DOCK3: variants seen among roughly 807,000 people sequenced by gnomAD.
DOCK3 encodes dedicator of cytokinesis protein 3.
DOCK3 carries 60 observed loss-of-function variants against 265.6 expected under a neutral mutation model. That is an observed-to-expected ratio of 0.23 (90% CI 0.18 to 0.28). DOCK3 has a LOEUF of 0.28. DOCK3 is among the 10% of genes least tolerant of loss of function. The probability of loss-of-function intolerance (pLI) is 1.00; values close to 1 mark genes in which losing one functional copy is unlikely to be tolerated. For synonymous variants in DOCK3, 881 were observed against 938.0 expected (o/e 0.94, Z 1.11); for missense variants, 1,981 against 2,594.3 (o/e 0.76, Z 5.14).
chr3:51,027,330 A>AT (rs200483429), intron 5 of DOCK3, among the ~76,000 whole-genome samples: 29 of 147,802 alleles, frequency 2.0e-4, no homozygotes, highest in East Asian at 1.2e-3. Context: ...TATGCCTTTG[A>AT]TTTTTTTTTT....
rs920404511 is a variant in DOCK3 at position 51,361,727 on chromosome 3, G to A, written c.5007-132G>A. ...TGCTCCAGGCCTCAGATGGGTATGA[G>A]CATTGACTATGGAACCCTCCAAACC... On this transcript the variant is annotated intron_variant, in intron 47 of 52. Transcript: ENST00000266037. This position sits in a 1 kb window ranked among gnomAD's most constrained non-coding sequence, Gnocchi z 4.2. The A allele has an allele frequency of 4.4e-5, 55 of 1,241,484 alleles. No individual in the cohort carries two copies. Among genetic ancestry groups the A allele is most frequent in the Middle Eastern group, 2.5e-4 (1 of 3,976 alleles). The allele number at this position is 1,241,484 out of a possible 1,614,324, so 76.9% of individuals were successfully genotyped here.
At chr3:51,078,916 C>G (rs956389780) in intron 7 of DOCK3, among the ~76,000 whole-genome samples, 2 of 152,106 alleles carry the variant, frequency 1.3e-5, no homozygotes, top group African/African-American at 4.8e-5. Flanking sequence ...AATTTCCTGT[C>G]TTTTTATCTC....
chr3:51,381,708 G>GA lies in DOCK3; in HGVS notation c.*149_*150insA. On this transcript the variant is annotated 3_prime_UTR_variant, in exon 53 of 53. Transcript: ENST00000266037. This position sits in a 1 kb window ranked among gnomAD's most constrained non-coding sequence, Gnocchi z 5.6. ...ACCCCCAAGTCTCCGTTCTACTGCC[G>GA]TGAACTCATGTGTTGCCATGTACAG... is the stretch of plus-strand genomic sequence containing the variant. 9.2e-7 allele frequency: 1 copy of GA among 1,091,018 alleles called. No homozygotes were observed. The highest frequency in any genetic ancestry group is 1.3e-6 in the Non-Finnish European group (1 of 792,904). The allele number at this position is 1,091,018 out of a possible 1,614,324, so 67.6% of individuals were successfully genotyped here. A position where few individuals can be genotyped will look rare whatever the true frequency, so the allele number is the denominator to read the frequency against.
At chr3:50,784,659 A>C (rs535756606) in intron 2 of DOCK3, among the ~76,000 whole-genome samples, 10 of 152,236 alleles carry the variant, frequency 6.6e-5, no homozygotes, top group Non-Finnish European at 1.2e-4. Flanking sequence ...ATGTGTTTCC[A>C]TTTGTTTGTG....
intron 32 of DOCK3, among the ~76,000 whole-genome samples, chr3:51,324,159 TG>T (rs1396019749): frequency 6.6e-6 from 1 of 150,592 alleles, no homozygotes; most frequent in African/African-American, 2.4e-5. Flanking sequence ...ATGACATGAT[TG>T]TGTATTTAGA....
intron 3 of DOCK3, among the ~76,000 whole-genome samples, chr3:50,870,053 G>A (rs1049339438): frequency 6.6e-6 from 1 of 152,110 alleles, no homozygotes; most frequent in Non-Finnish European, 1.5e-5. Flanking sequence ...CCCTGAGAAT[G>A]ATCCATGTGC....
intron 1 of DOCK3, among the ~76,000 whole-genome samples, chr3:50,716,053 A>G (rs1356396153): frequency 6.6e-6 from 1 of 151,956 alleles, no homozygotes; most frequent in Non-Finnish European, 1.5e-5. Context: ...TTTGTGTATT[A>G]TACTTCTCTA....
At chr3:51,282,979 A>T (rs1485483812) in intron 27 of DOCK3, among the ~76,000 whole-genome samples, 1 of 152,244 alleles carries the variant, frequency 6.6e-6, no homozygotes, top group Non-Finnish European at 1.5e-5. Context: ...TAGTAAAAGA[A>T]TTATATAACA....
At chr3:51,360,225 T>C (rs1381495134) in intron 46 of DOCK3, among the ~76,000 whole-genome samples, 1 of 152,200 alleles carries the variant, frequency 6.6e-6, no homozygotes, top group East Asian at 1.9e-4. Context: ...AACACACTCC[T>C]ATGAGCTCAG....
chr3:50,815,980 A>G lies in DOCK3; in HGVS notation c.122-25695A>G, dbSNP rs138063104. 2.8e-3 allele frequency among the ~76,000 whole-genome samples: 427 copies of G among 152,242 alleles called. 1 individual carries two copies. The highest frequency in any genetic ancestry group is 4.5e-3 in the Non-Finnish European group (309 of 67,994). On this transcript the variant is annotated intron_variant, in intron 2 of 52. Transcript: ENST00000266037. ...AAGGGTTAAAGCAGAGAGGACTTTT[A>G]TTAAACACTGACTCAGGTAGGCTGG...
At chr3:51,069,257 G>A (rs2081749053) in intron 6 of DOCK3, among the ~76,000 whole-genome samples, 1 of 152,144 alleles carries the variant, frequency 6.6e-6, no homozygotes, top group African/African-American at 2.4e-5. Context: ...CTTTGCTCAA[G>A]TGTCTTACAT....
intron 49 of DOCK3, among the ~76,000 whole-genome samples, chr3:51,364,922 C>T (rs1025492220): frequency 3.3e-5 from 5 of 152,194 alleles, no homozygotes; most frequent in Admixed American, 3.3e-4. Context: ...AGTATGATGC[C>T]TCCAGCTTTG....
In DOCK3 at chr3:51,095,531, C is replaced by T. The variant is rs562744071; in HGVS notation, c.746+5147C>T. On this transcript the variant is annotated intron_variant, in intron 9 of 52. Transcript: ENST00000266037. ...TTAAAAAAGCCTGGAACTGACAACA[C>T]CAGAATCCAGAATCTCCCAGTTTCT... Among the ~76,000 whole-genome samples the T allele has an allele frequency of 7.2e-5, 11 of 152,228 alleles. No homozygotes were observed. The South Asian group carries it at 2.1e-3, about 29-fold the overall frequency.
chr3:51,171,487 C>T (rs980661944), intron 12 of DOCK3, among the ~76,000 whole-genome samples: 11 of 152,060 alleles, frequency 7.2e-5, no homozygotes, highest in Admixed American at 2.0e-4. Flanking sequence ...GAGGCCAAGG[C>T]GGGCAGATCA....
intron 1 of DOCK3, among the ~76,000 whole-genome samples, chr3:50,715,618 G>A (rs891601711): frequency 3.3e-5 from 5 of 152,084 alleles, no homozygotes; most frequent in Admixed American, 3.3e-4. Context: ...GGGTGATGAG[G>A]GGAAGGGCAT....
rs1000833857 is a variant in DOCK3 at position 50,999,685 on chromosome 3, T to C, written c.316-64763T>C. ...TTCAATAGGAATCTCAAACTCAACATGTGCAAAAAAAAGGCTTAGACTCTG... is the reference window on the plus strand; with the variant it reads ...TTCAATAGGAATCTCAAACTCAACACGTGCAAAAAAAAGGCTTAGACTCTG... On this transcript the variant is annotated intron_variant, in intron 5 of 52. Transcript: ENST00000266037. Among the ~76,000 whole-genome samples the C allele has an allele frequency of 5.9e-5, 9 of 152,100 alleles. No homozygotes were observed. The East Asian group carries it at 9.6e-4, about 16-fold the overall frequency.
chr3:50,961,902 C>A (rs927582904), intron 5 of DOCK3, among the ~76,000 whole-genome samples: 1 of 152,096 alleles, frequency 6.6e-6, no homozygotes, highest in African/African-American at 2.4e-5. Flanking sequence ...TAAATATTAT[C>A]TGAGCCTTCT....
At chr3:50,787,906 A>C in intron 2 of DOCK3, 1 of 1,037,998 alleles carries the variant, frequency 9.6e-7, no homozygotes, top group Non-Finnish European at 1.5e-6. Flanking sequence ...ATGTTTGATT[A>C]TTAAGGTTTA....
rs1372799468 is a variant in DOCK3 at position 51,260,317 on chromosome 3, T to G, written c.2346T>G (p.Leu782=). The change falls in exon 23 of 53, where the codon CTT becomes CTG. Residue 782 remains leucine (L), a synonymous_variant. Transcript: ENST00000266037. ...ACAGCCGAAACTCAGAAACACTCCT[T>G]TTTACTCAGGTTCGCACACTGCAGG... ...SLDSRNSETL[L]FTQAALLNSF... 1.9e-6 allele frequency: 3 copies of G among 1,613,540 alleles called. No individual in the cohort carries two copies. The Admixed American group carries it at 5.0e-5, about 27-fold the overall frequency.
Sources: gnomAD v4.1 joint callset for allele counts (sites outside exome capture counted in the v4.1 genomes callset) on GRCh38, gnomAD v4.1.1 for gene constraint, Gnocchi (gnomAD v3.1) non-coding constraint, MANE v1.5 for transcripts, NCBI Gene and HGNC (gene_info 2026-07-23, HGNC 2026-07-21) for gene names.